RUNX2: variants seen among roughly 807,000 people sequenced by gnomAD.
RUNX2 encodes the protein runt-related transcription factor 2.
A neutral mutation model predicts 51.7 loss-of-function variants in RUNX2; 10 were observed. That is an observed-to-expected ratio of 0.19 (90% CI 0.12 to 0.33). The LOEUF (loss-of-function observed/expected upper bound fraction) is 0.33. RUNX2 is among the 10% of genes least tolerant of loss of function. The probability of loss-of-function intolerance (pLI) is 1.00; values close to 1 mark genes in which losing one functional copy is unlikely to be tolerated. For missense variants in RUNX2, 562 were observed against 691.3 expected (o/e 0.81, Z 2.10); for synonymous variants, 276 against 273.6 (o/e 1.01, Z -0.09).
chr6:45,512,356 A>G lies in RUNX2; in HGVS notation c.970A>G (p.Thr324Ala). ...CCACTCTACCACCCCGCTGTCTTCCACACGGGGCACTGGGCTTCCTGCCAT... is the reference window on the plus strand; with the variant it reads ...CCACTCTACCACCCCGCTGTCTTCCGCACGGGGCACTGGGCTTCCTGCCAT... ...SIHSTTPLSS[T>A]RGTGLPAITD... The change falls in exon 7 of 9, where the codon ACA becomes GCA. Residue 324 changes from threonine to alanine, a missense_variant. Thr to Ala is a moderately conservative substitution (Grantham distance 58). Transcript: ENST00000647337. 1 of 1,614,066 alleles carries G rather than the reference A, an allele frequency of 6.2e-7. No individual in the cohort carries two copies. Among genetic ancestry groups the G allele is most frequent in the South Asian group, 1.1e-5 (1 of 91,070 alleles).
chr6:45,517,736 G>A (rs1801376437), intron 7 of RUNX2, among the ~76,000 whole-genome samples: 1 of 151,944 alleles, frequency 6.6e-6, no homozygotes, highest in Non-Finnish European at 1.5e-5. Context: ...AGGAGAATAA[G>A]CATTAGTTTA....
intron 6 of RUNX2, among the ~76,000 whole-genome samples, chr6:45,510,697 G>C (rs188237125): frequency 1.3e-5 from 2 of 151,720 alleles, no homozygotes; most frequent in East Asian, 3.9e-4. Context: ...CTCCAGTTCA[G>C]ATATGTTTGA....
chr6:45,461,259 T>C (rs1031246016), intron 5 of RUNX2, among the ~76,000 whole-genome samples: 7 of 152,158 alleles, frequency 4.6e-5, no homozygotes, highest in African/African-American at 1.7e-4. Flanking sequence ...AACAAGATAG[T>C]TGAAGGGAGG....
At chr6:45,329,500 A>G (rs1317946260) in intron 2 of RUNX2, among the ~76,000 whole-genome samples, 1 of 151,816 alleles carries the variant, frequency 6.6e-6, no homozygotes, top group African/African-American at 2.4e-5. Context: ...GCATTTTTCT[A>G]TGTAATTTTA....
intron 2 of RUNX2, among the ~76,000 whole-genome samples, chr6:45,392,996 A>G (rs1178706191): frequency 6.6e-6 from 1 of 152,058 alleles, no homozygotes; most frequent in Non-Finnish European, 1.5e-5. Flanking sequence ...AGCCCATCAA[A>G]AGCATTCTTT....
intron 7 of RUNX2, among the ~76,000 whole-genome samples, chr6:45,529,069 G>A (rs1488739244): frequency 6.6e-6 from 1 of 152,166 alleles, no homozygotes; most frequent in Non-Finnish European, 1.5e-5. Context: ...TGCCCTAAAA[G>A]GAGATTCCTC....
intron 5 of RUNX2, among the ~76,000 whole-genome samples, chr6:45,472,862 A>G (rs1799846307): frequency 6.6e-6 from 1 of 152,184 alleles, no homozygotes; most frequent in African/African-American, 2.4e-5. Flanking sequence ...GGAAAAGGGT[A>G]TCTTTCTGCA....
chr6:45,382,695 T>C (rs1797267393), intron 2 of RUNX2, among the ~76,000 whole-genome samples: 1 of 152,232 alleles, frequency 6.6e-6, no homozygotes, highest in Non-Finnish European at 1.5e-5. Flanking sequence ...GTGAAAGGCC[T>C]TGTGTGCCTG....
intron 7 of RUNX2, among the ~76,000 whole-genome samples, chr6:45,542,734 A>C (rs1802269500): frequency 6.6e-6 from 1 of 152,248 alleles, no homozygotes; most frequent in East Asian, 1.9e-4. Context: ...ATCAACTTCT[A>C]AGATAGCAGG....
chr6:45,328,645 T>C lies in RUNX2; in HGVS notation c.-66-16T>C. 6.2e-7 allele frequency: 1 copy of C among 1,610,618 alleles called. No homozygotes were observed. The highest frequency in any genetic ancestry group is 1.3e-5 in the African/African-American group (1 of 74,850). Reference sequence around the variant, plus strand: ...GTAAAACTAAAACAAGGTTTGGGTATGGTTTGTATTTTCAGTTTAAGGCTG... The same window carrying C: ...GTAAAACTAAAACAAGGTTTGGGTACGGTTTGTATTTTCAGTTTAAGGCTG... On this transcript the variant is annotated splice_polypyrimidine_tract_variant and intron_variant, in intron 1 of 8. Coordinates refer to ENST00000647337, the MANE Select transcript of RUNX2 (RefSeq NM_001024630.4).
At chr6:45,458,162 G>T (rs1376760137) in intron 5 of RUNX2, among the ~76,000 whole-genome samples, 1 of 151,976 alleles carries the variant, frequency 6.6e-6, no homozygotes, top group Non-Finnish European at 1.5e-5. Flanking sequence ...GAGTAGCTGG[G>T]ATTACAGGTG....
chr6:45,363,623 TAAC>T (rs1463911944), intron 2 of RUNX2, among the ~76,000 whole-genome samples: 1 of 151,986 alleles, frequency 6.6e-6, no homozygotes, highest in Non-Finnish European at 1.5e-5. Flanking sequence ...ATAATTAACA[TAAC>T]ACAACATAAA....
intron 5 of RUNX2, among the ~76,000 whole-genome samples, chr6:45,444,274 G>T (rs1798929958): frequency 6.6e-6 from 1 of 152,230 alleles, no homozygotes; most frequent in African/African-American, 2.4e-5. Context: ...CGGGTCTCAG[G>T]TAGGTAAACC....
chr6:45,452,981 G>A (rs1799217337), intron 5 of RUNX2, among the ~76,000 whole-genome samples: 2 of 152,204 alleles, frequency 1.3e-5, no homozygotes, highest in South Asian at 4.1e-4. Context: ...CACAGTTGAA[G>A]ATGGGTCAGA....
intron 2 of RUNX2, among the ~76,000 whole-genome samples, chr6:45,394,782 G>A (rs911227195): frequency 5.3e-5 from 8 of 152,264 alleles, no homozygotes; most frequent in East Asian, 3.9e-4. Flanking sequence ...AGCTAAACCC[G>A]GGTAAAATAG....
At chr6:45,387,404 A>C (rs529215607) in intron 2 of RUNX2, among the ~76,000 whole-genome samples, 1 of 152,230 alleles carries the variant, frequency 6.6e-6, no homozygotes, top group South Asian at 2.1e-4. Flanking sequence ...CATTCCACAC[A>C]CATAACTCAC....
intron 5 of RUNX2, among the ~76,000 whole-genome samples, chr6:45,472,207 C>G (rs1247440880): frequency 6.6e-6 from 1 of 151,986 alleles, no homozygotes; most frequent in Admixed American, 6.6e-5. Context: ...CTTAGTGCTG[C>G]CTGGTGCAAA....
intron 2 of RUNX2, among the ~76,000 whole-genome samples, chr6:45,394,245 G>A (rs544122663): frequency 6.6e-6 from 1 of 152,208 alleles, no homozygotes; most frequent in Non-Finnish European, 1.5e-5. Context: ...AACTCAGAGT[G>A]AGAACTTACT....
chr6:45,520,449 A>G (rs914053053), intron 7 of RUNX2, among the ~76,000 whole-genome samples: 2 of 152,196 alleles, frequency 1.3e-5, no homozygotes, highest in African/African-American at 4.8e-5. Context: ...ATAACAATAC[A>G]GTTATGTGAC....
Sources: gnomAD v4.1 joint callset for allele counts (sites outside exome capture counted in the v4.1 genomes callset) on GRCh38, gnomAD v4.1.1 for gene constraint, MANE v1.5 for transcripts, NCBI Gene and HGNC (gene_info 2026-07-23, HGNC 2026-07-21) for gene names.